GABRG3: variants seen among roughly 807,000 people sequenced by gnomAD.
The protein encoded by GABRG3 is gamma-aminobutyric acid type A receptor subunit gamma3.
In GABRG3, 25 loss-of-function variants were observed where a neutral mutation model predicts 48.8. The ratio of observed to expected loss-of-function variants is 0.51; its 90% confidence interval spans 0.37 to 0.72. The LOEUF (loss-of-function observed/expected upper bound fraction) is 0.72, where lower values mean the gene tolerates loss of function less well. Among genes scored for constraint, GABRG3 ranks in the 30% least tolerant of loss-of-function variants. The pLI is 0.00. For missense variants in GABRG3, 394 were observed against 577.9 expected (o/e 0.68, Z 3.26); for synonymous variants, 227 against 217.6 (o/e 1.04, Z -0.38).
intron 3 of GABRG3, among the ~76,000 whole-genome samples, chr15:27,186,032 T>C (rs999888975): frequency 8.4e-4 from 90 of 107,408 alleles, no homozygotes; most frequent in Non-Finnish European, 1.2e-3. Context: ...TTTTTTTTTT[T>C]CAAATTTTAT....
At chr15:27,402,584 C>T (rs1481489745) in intron 5 of GABRG3, among the ~76,000 whole-genome samples, 1 of 152,158 alleles carries the variant, frequency 6.6e-6, no homozygotes, top group Admixed American at 6.5e-5. Context: ...CCTGGCCCTT[C>T]CAGGATGGGA....
chr15:27,403,667 C>T (rs994296546), intron 5 of GABRG3, among the ~76,000 whole-genome samples: 8 of 152,146 alleles, frequency 5.3e-5, no homozygotes, highest in South Asian at 2.1e-4. Context: ...GTAATCCCAG[C>T]GCTTTGGGAG....
At chr15:26,971,615 G>A (rs1360247879) in intron 1 of GABRG3, 27 bp downstream of exon 1, 14 of 1,520,150 alleles carry the variant, frequency 9.2e-6, no homozygotes, top group East Asian at 2.6e-5. Context: ...CCGCATCCCC[G>A]GAGGCCCCGA....
At chr15:27,334,515 G>A (rs1433528766) in intron 5 of GABRG3, among the ~76,000 whole-genome samples, 6 of 152,100 alleles carry the variant, frequency 3.9e-5, no homozygotes, top group African/African-American at 1.4e-4. Flanking sequence ...GTACCCCACT[G>A]TTGACTCTTT....
intron 3 of GABRG3, among the ~76,000 whole-genome samples, chr15:27,185,886 ATACTTT>A (rs1327272475): frequency 1.3e-5 from 2 of 152,056 alleles, no homozygotes; most frequent in Non-Finnish European, 2.9e-5. Flanking sequence ...ATATTTTTTC[ATACTTT>A]TACTTTCAAC....
intron 5 of GABRG3, among the ~76,000 whole-genome samples, chr15:27,406,249 C>A (rs1025021223): frequency 2.6e-5 from 4 of 152,154 alleles, no homozygotes; most frequent in African/African-American, 9.7e-5. Flanking sequence ...ATATTCCTGT[C>A]AGAAGAATTC....
chr15:27,068,477 G>T (rs1356076112), intron 3 of GABRG3, among the ~76,000 whole-genome samples: 1 of 152,256 alleles, frequency 6.6e-6, no homozygotes, highest in Non-Finnish European at 1.5e-5. Flanking sequence ...CTGGCTGCAG[G>T]TGTCTGCTCA....
Position 27,307,093 on chromosome 15 carries a change from T to TAATATAAACATGTTTATATATAAAC in GABRG3, c.271-19715_271-19714insATATAAACATGTTTATATATAAACA. Among the ~76,000 whole-genome samples, 32 of 119,734 alleles carry TAATATAAACATGTTTATATATAAAC rather than the reference T, an allele frequency of 2.7e-4. 1 individual carries two copies. The highest frequency in any genetic ancestry group is 1.2e-3 in the African/African-American group (27 of 23,128). 78.6% of individuals were successfully genotyped at this position (119,734 alleles called of 152,430 possible). A position where few individuals can be genotyped will look rare whatever the true frequency, so the allele number is the denominator to read the frequency against. On this transcript the variant is annotated intron_variant, in intron 3 of 9. Transcript: ENST00000615808. ...ATATAAACATGTTTATATATAAACA[T>TAATATAAACATGTTTATATATAAAC]ATAATATAAACATGTTTATATATAA...
chr15:27,359,067 G>A (rs1894937990), intron 5 of GABRG3, among the ~76,000 whole-genome samples: 1 of 152,230 alleles, frequency 6.6e-6, no homozygotes, highest in South Asian at 2.1e-4. Context: ...ACAAGTTTTG[G>A]GGGTGAAGCT....
intron 6 of GABRG3, among the ~76,000 whole-genome samples, chr15:27,500,954 T>TTTTG (rs1316612583): frequency 6.9e-6 from 1 of 145,730 alleles, no homozygotes; most frequent in African/African-American, 2.5e-5. Context: ...TAACGTATGT[T>TTTTG]TTTTTTTTTT....
At chr15:27,317,211 C>T (rs1893262165) in intron 3 of GABRG3, among the ~76,000 whole-genome samples, 1 of 152,180 alleles carries the variant, frequency 6.6e-6, no homozygotes, top group Non-Finnish European at 1.5e-5. Flanking sequence ...GGCATGGCAA[C>T]TCTGACTCCT....
intron 5 of GABRG3, among the ~76,000 whole-genome samples, chr15:27,429,025 A>G (rs1279042933): frequency 6.6e-6 from 1 of 152,224 alleles, no homozygotes; most frequent in Non-Finnish European, 1.5e-5. Context: ...TAAAAGATAT[A>G]GTTTTATACA....
chr15:27,258,665 A>T (rs762573608), intron 3 of GABRG3, among the ~76,000 whole-genome samples: 2 of 152,198 alleles, frequency 1.3e-5, no homozygotes, highest in Non-Finnish European at 2.9e-5. Flanking sequence ...TGATATTCCC[A>T]TACATGCATA....
chr15:27,495,871 TTTTTTATTG>T (rs1890474339), intron 6 of GABRG3, among the ~76,000 whole-genome samples: 1 of 152,198 alleles, frequency 6.6e-6, no homozygotes, highest in South Asian at 2.1e-4. Context: ...TAGCAAACTG[TTTTTTATTG>T]AAAGCTGGAC....
At position 27,141,650 on chromosome 15, in the gene GABRG3, G is replaced by A. The variant is rs149225735; in HGVS notation, c.270+114829G>A. Among the ~76,000 whole-genome samples, 484 of 152,310 alleles carry A rather than the reference G, an allele frequency of 3.2e-3. 1 individual carries two copies. The highest frequency in any genetic ancestry group is 0.011 in the African/African-American group (468 of 41,570). On this transcript the variant is annotated intron_variant, in intron 3 of 9. Coordinates refer to ENST00000615808, the MANE Select transcript of GABRG3 (RefSeq NM_033223.5). ...GGATAAGGTCTATGGCAAAGAGGGA[G>A]GGTAGTGGCAGTTAACAAACTTCTT... is the stretch of plus-strand genomic sequence containing the variant.
rs533648514 is a variant in GABRG3, at chr15:26,995,180, G to A, written c.202+18030G>A. Among the ~76,000 whole-genome samples, 15 of 152,080 alleles carry A rather than the reference G, an allele frequency of 9.9e-5. No homozygotes were observed. In the South Asian group the frequency reaches 1.0e-3, roughly 11 times the overall value. On this transcript the variant is annotated intron_variant, in intron 2 of 9. Transcript: ENST00000615808. ...ATTTATTATATGTCCCAATACATAG[G>A]CTGTTTATCAATATGAAATATTTCT... is the stretch of plus-strand genomic sequence containing the variant.
At chr15:27,001,066 C>T (rs923343586) in intron 2 of GABRG3, among the ~76,000 whole-genome samples, 14 of 152,190 alleles carry the variant, frequency 9.2e-5, no homozygotes, top group South Asian at 2.1e-4. Context: ...CTCCATGTCA[C>T]GAGCCATAGG....
At chr15:27,158,690 G>A (rs772504966) in intron 3 of GABRG3, among the ~76,000 whole-genome samples, 18 of 152,050 alleles carry the variant, frequency 1.2e-4, no homozygotes, top group Non-Finnish European at 2.6e-4. Flanking sequence ...ATGTAGCTAA[G>A]TTAAAAATTT....
intron 3 of GABRG3, among the ~76,000 whole-genome samples, chr15:27,253,623 C>T (rs1890527276): frequency 6.6e-6 from 1 of 152,238 alleles, no homozygotes; most frequent in Admixed American, 6.5e-5. Flanking sequence ...AAGCTGGACA[C>T]AGGGGCAGAG....
Sources: allele counts gnomAD v4.1 joint callset (sites outside exome capture counted in the v4.1 genomes callset), GRCh38; gene constraint gnomAD v4.1.1; transcripts MANE v1.5; gene names NCBI Gene and HGNC (gene_info 2026-07-23, HGNC 2026-07-21).